STXBP5L: variants seen among roughly 807,000 people sequenced by gnomAD.
The protein encoded by STXBP5L is syntaxin binding protein 5L.
Under a neutral mutation model 144.5 loss-of-function variants are expected in STXBP5L, and 65 were observed. The ratio of observed to expected loss-of-function variants is 0.45; its 90% CI spans 0.37 to 0.55. The LOEUF is 0.55. STXBP5L is among the 20% of genes least tolerant of loss of function. The pLI is 0.00. For synonymous variants in STXBP5L, 505 were observed against 469.6 expected (o/e 1.08, Z -0.97); for missense variants, 1,298 against 1,405.5 (o/e 0.92, Z 1.22).
chr3:121,186,813 A>C (rs1366770749), intron 9 of STXBP5L, among the ~76,000 whole-genome samples: 1 of 152,214 alleles, frequency 6.6e-6, no homozygotes, highest in Non-Finnish European at 1.5e-5. Flanking sequence ...ACATGAAAAA[A>C]TGCTCATCAT....
intron 3 of STXBP5L, among the ~76,000 whole-genome samples, chr3:120,979,297 C>G (rs1335399539): frequency 6.6e-6 from 1 of 152,188 alleles, no homozygotes; most frequent in Non-Finnish European, 1.5e-5. Context: ...AGTTTGATCT[C>G]AGACTGCTGT....
chr3:120,970,319 T>C (rs933709985), intron 3 of STXBP5L, among the ~76,000 whole-genome samples: 2 of 152,146 alleles, frequency 1.3e-5, no homozygotes, highest in South Asian at 2.1e-4. Context: ...TATACACTAG[T>C]GCCCATTTAT....
chr3:121,044,082 A>AAAAAACAC (rs1947344119), intron 4 of STXBP5L, among the ~76,000 whole-genome samples: 1 of 152,194 alleles, frequency 6.6e-6, no homozygotes, highest in Non-Finnish European at 1.5e-5. Context: ...ATCAAGGCTT[A>AAAAAACAC]TATATAGAAT....
chr3:121,327,460 C>G (rs1276611869), intron 20 of STXBP5L, among the ~76,000 whole-genome samples: 1 of 152,088 alleles, frequency 6.6e-6, no homozygotes, highest in Admixed American at 6.5e-5. Flanking sequence ...ATCTTTAGGC[C>G]AGAATTTACA....
intron 2 of STXBP5L, among the ~76,000 whole-genome samples, chr3:120,952,227 AG>A (rs763454433): frequency 4.6e-5 from 7 of 152,148 alleles, no homozygotes; most frequent in Non-Finnish European, 8.8e-5. Context: ...TTTGCAAAAA[AG>A]CCAGCTGGGA....
intron 3 of STXBP5L, among the ~76,000 whole-genome samples, chr3:121,027,833 T>C (rs1795412): frequency 1.3e-5 from 2 of 151,780 alleles, no homozygotes; most frequent in Non-Finnish European, 2.9e-5. Context: ...TCTTCAGGGC[T>C]GGTGCATTAT....
chr3:121,065,115 C>T lies in STXBP5L; in HGVS notation c.470+19580C>T, dbSNP rs549376214. Among the ~76,000 whole-genome samples the T allele has an allele frequency of 4.0e-5, 6 of 151,772 alleles. No individual in the cohort carries two copies. In the East Asian group the frequency reaches 9.7e-4, roughly 24 times the overall value. On this transcript the variant is annotated intron_variant, in intron 5 of 26. Coordinates refer to ENST00000471454, the MANE Select transcript of STXBP5L (RefSeq NM_001308330.2). Reference sequence around the variant, plus strand: ...CATAGTATTCTATGGTGTATATGTACCACATTTTCTTTATCTGATCCACTG... The same window carrying T: ...CATAGTATTCTATGGTGTATATGTATCACATTTTCTTTATCTGATCCACTG...
intron 22 of STXBP5L, among the ~76,000 whole-genome samples, chr3:121,383,804 AT>A (rs2046369192): frequency 6.6e-6 from 1 of 152,016 alleles, no homozygotes; most frequent in South Asian, 2.1e-4. Flanking sequence ...TGCCATATTT[AT>A]TTTCTTTCCT....
At chr3:121,187,941 G>A (rs896503395) in intron 9 of STXBP5L, among the ~76,000 whole-genome samples, 1 of 151,894 alleles carries the variant, frequency 6.6e-6, no homozygotes, top group Admixed American at 6.6e-5. Flanking sequence ...GACAGAGAAG[G>A]GCATTACATA....
At chr3:121,075,967 G>A (rs984461544) in intron 5 of STXBP5L, among the ~76,000 whole-genome samples, 1 of 152,180 alleles carries the variant, frequency 6.6e-6, no homozygotes, top group Non-Finnish European at 1.5e-5. Context: ...AGCCCAGGTA[G>A]GATTGTGAGT....
rs72968017 is a variant in STXBP5L, at chr3:121,226,625, G to A, written c.1111+3468G>A. Among the ~76,000 whole-genome samples the A allele has an allele frequency of 2.5e-3, 379 of 152,202 alleles. 2 individuals carry two copies. Among genetic ancestry groups the A allele is most frequent in the African/African-American group, 8.6e-3 (356 of 41,546 alleles). ...GTCTGGACTGGGGAAAGAGGGCTAG[G>A]GGACTCCATCAGGATTTAGTTATAA... On this transcript the variant is annotated intron_variant, in intron 11 of 26. Transcript: ENST00000471454.
At chr3:121,401,051 T>C (rs1226142774) in intron 22 of STXBP5L, among the ~76,000 whole-genome samples, 1 of 152,192 alleles carries the variant, frequency 6.6e-6, no homozygotes, top group Admixed American at 6.5e-5. Flanking sequence ...TGCTCATTTA[T>C]ATGAAATCCA....
intron 3 of STXBP5L, among the ~76,000 whole-genome samples, chr3:120,983,207 G>C (rs939578023): frequency 1.3e-5 from 2 of 152,050 alleles, no homozygotes; most frequent in African/African-American, 4.8e-5. Flanking sequence ...GAACACAGGC[G>C]TCTGGGGTCT....
chr3:121,059,108 C>G (rs532012296), intron 5 of STXBP5L, among the ~76,000 whole-genome samples: 3 of 152,242 alleles, frequency 2.0e-5, no homozygotes, highest in Non-Finnish European at 4.4e-5. Flanking sequence ...GATTTTAGGT[C>G]TTACGTTTAA....
intron 19 of STXBP5L, among the ~76,000 whole-genome samples, chr3:121,285,576 T>C (rs944222113): frequency 6.6e-6 from 1 of 152,076 alleles, no homozygotes; most frequent in Non-Finnish European, 1.5e-5. Context: ...GCGGCAAAAC[T>C]TTCACATCAT....
chr3:121,179,080 A>G (rs1000718195), intron 9 of STXBP5L, among the ~76,000 whole-genome samples: 7 of 152,138 alleles, frequency 4.6e-5, no homozygotes, highest in African/African-American at 1.4e-4. Flanking sequence ...AAAGCTTATG[A>G]CCTGGGGCAG....
chr3:121,193,865 T>A (rs2047808935), intron 9 of STXBP5L, among the ~76,000 whole-genome samples: 1 of 152,044 alleles, frequency 6.6e-6, no homozygotes, highest in South Asian at 2.1e-4. Flanking sequence ...GGAGAATACC[T>A]AATGTTAATG....
At chr3:121,395,210 T>A (rs935962486) in intron 22 of STXBP5L, among the ~76,000 whole-genome samples, 4 of 152,218 alleles carry the variant, frequency 2.6e-5, no homozygotes, top group Non-Finnish European at 1.5e-5. Flanking sequence ...CATGTAGTTT[T>A]GAGGTATTTG....
At chr3:121,269,454 G>A (rs1211144457) in intron 18 of STXBP5L, among the ~76,000 whole-genome samples, 1 of 151,394 alleles carries the variant, frequency 6.6e-6, no homozygotes, top group African/African-American at 2.4e-5. Flanking sequence ...TATATATATA[G>A]ACAGAAAATA....
Sources: allele counts gnomAD v4.1 joint callset (sites outside exome capture counted in the v4.1 genomes callset), GRCh38; gene constraint gnomAD v4.1.1; transcripts MANE v1.5; gene names NCBI Gene and HGNC (gene_info 2026-07-23, HGNC 2026-07-21).